The following GPC6 variants were observed in gnomAD, a reference collection of about 807,000 sequenced individuals.
GPC6 encodes glypican 6.
A neutral mutation model predicts 55.2 loss-of-function variants in GPC6; 14 were observed. The ratio of observed to expected loss-of-function variants is 0.25; its 90% CI spans 0.17 to 0.40. The LOEUF (loss-of-function observed/expected upper bound fraction) is 0.40. Ranked by LOEUF, GPC6 falls within the 10% of genes least tolerant of loss-of-function variation. The pLI, the probability that GPC6 is intolerant of heterozygous loss-of-function variation, is 1.00. For synonymous variants in GPC6, 278 were observed against 259.6 expected (o/e 1.07, Z -0.68); for missense variants, 641 against 708.5 (o/e 0.90, Z 1.08).
At chr13:94,368,745 C>A (rs1206224722) in intron 6 of GPC6, among the ~76,000 whole-genome samples, 1 of 152,178 alleles carries the variant, frequency 6.6e-6, no homozygotes, top group Non-Finnish European at 1.5e-5. Flanking sequence ...AAGCTGTGAA[C>A]AGGTACATTC....
intron 2 of GPC6, among the ~76,000 whole-genome samples, chr13:93,575,148 G>T (rs1300665824): frequency 2.6e-5 from 4 of 152,094 alleles, no homozygotes; most frequent in Non-Finnish European, 4.4e-5. Flanking sequence ...ACAAAAATTA[G>T]CAGGGTGTGA....
chr13:94,194,780 ATACTT>A (rs1301612047), intron 4 of GPC6, among the ~76,000 whole-genome samples: 1 of 152,134 alleles, frequency 6.6e-6, no homozygotes, highest in Non-Finnish European at 1.5e-5. Flanking sequence ...GAAAAAAAGA[ATACTT>A]TAACTGAACC....
intron 3 of GPC6, among the ~76,000 whole-genome samples, chr13:93,940,389 G>C (rs953638204): frequency 6.6e-6 from 1 of 150,710 alleles, no homozygotes; most frequent in Admixed American, 6.7e-5. Flanking sequence ...TGGAAGGATG[G>C]ACGGTTGGAT....
intron 1 of GPC6, among the ~76,000 whole-genome samples, chr13:93,294,354 T>G (rs1878413546): frequency 6.6e-6 from 1 of 152,216 alleles, no homozygotes; most frequent in Non-Finnish European, 1.5e-5. Flanking sequence ...GATACATGGA[T>G]TCTTTAATAA....
chr13:94,016,588 A>G (rs1594668470), intron 3 of GPC6, among the ~76,000 whole-genome samples: 1 of 152,170 alleles, frequency 6.6e-6, no homozygotes, highest in Non-Finnish European at 1.5e-5. Context: ...GGCATTTGCA[A>G]TTTTATATGA....
chr13:93,275,351 G>A (rs985644309), intron 1 of GPC6, among the ~76,000 whole-genome samples: 1 of 151,984 alleles, frequency 6.6e-6, no homozygotes, highest in African/African-American at 2.4e-5. Context: ...TAGACCTTAC[G>A]GAATTTTATG....
chr13:93,472,287 A>T (rs1040114748), intron 1 of GPC6, among the ~76,000 whole-genome samples: 5 of 152,202 alleles, frequency 3.3e-5, no homozygotes, highest in Admixed American at 2.6e-4. Flanking sequence ...CCTAGGGCCC[A>T]CAGGGCCCAT....
chr13:94,227,562 C>T (rs1472730980), intron 4 of GPC6, among the ~76,000 whole-genome samples: 1 of 152,154 alleles, frequency 6.6e-6, no homozygotes, highest in Non-Finnish European at 1.5e-5. Context: ...ATAATTATTA[C>T]TGTAACAGCC....
intron 1 of GPC6, among the ~76,000 whole-genome samples, chr13:93,466,703 G>T (rs1878915881): frequency 6.6e-6 from 1 of 152,196 alleles, no homozygotes. Flanking sequence ...ACGCATTCTA[G>T]TATATAATTT....
At chr13:94,054,705 G>A (rs1193042642) in intron 4 of GPC6, among the ~76,000 whole-genome samples, 1 of 152,130 alleles carries the variant, frequency 6.6e-6, no homozygotes, top group Non-Finnish European at 1.5e-5. Context: ...GGCTCACAAA[G>A]CCAATTATGC....
chr13:93,265,781 T>A (rs1371219344), intron 1 of GPC6, among the ~76,000 whole-genome samples: 1 of 151,530 alleles, frequency 6.6e-6, no homozygotes, highest in African/African-American at 2.4e-5. Context: ...GGCATTTTTC[T>A]TTTATTTCTT....
chr13:93,599,972 G>T (rs1382174684), intron 2 of GPC6, among the ~76,000 whole-genome samples: 1 of 152,068 alleles, frequency 6.6e-6, no homozygotes, highest in Non-Finnish European at 1.5e-5. Context: ...CCAAAAAAAA[G>T]CATCTTTTAG....
At chr13:94,144,632 T>C (rs1458217135) in intron 4 of GPC6, among the ~76,000 whole-genome samples, 1 of 151,950 alleles carries the variant, frequency 6.6e-6, no homozygotes, top group Admixed American at 6.6e-5. Flanking sequence ...CTAAAGGATA[T>C]ACTTTTATTT....
intron 3 of GPC6, among the ~76,000 whole-genome samples, chr13:93,919,091 G>A (rs909492668): frequency 6.6e-6 from 1 of 152,064 alleles, no homozygotes; most frequent in East Asian, 1.9e-4. Flanking sequence ...GTGAGATCTG[G>A]TTGTCTAAAA....
At chr13:94,291,697 C>CTT (rs58413609) in intron 5 of GPC6, among the ~76,000 whole-genome samples, 9 of 135,880 alleles carry the variant, frequency 6.6e-5, no homozygotes, top group South Asian at 2.4e-4. Context: ...TTGAATTTAT[C>CTT]TTTTTTTTTT....
chr13:93,569,868 T>A (rs997625914), intron 2 of GPC6, among the ~76,000 whole-genome samples: 11 of 152,078 alleles, frequency 7.2e-5, no homozygotes, highest in Non-Finnish European at 1.5e-4. Context: ...AATTAAGATA[T>A]CTTGTGTAAG....
intron 1 of GPC6, among the ~76,000 whole-genome samples, chr13:93,388,402 A>G (rs956138795): frequency 6.6e-6 from 1 of 152,162 alleles, no homozygotes; most frequent in East Asian, 1.9e-4. Context: ...TGGGGGCTCA[A>G]ATTGTTTCTT....
In GPC6 at chr13:94,161,639, G is replaced by A. The variant is rs529698509; in HGVS notation, c.878-124710G>A. Among the ~76,000 whole-genome samples the A allele has an allele frequency of 6.6e-5, 10 of 152,254 alleles. No homozygotes were observed. In the South Asian group the frequency reaches 8.3e-4, roughly 13 times the overall value. ...TCTTATGCAGCAGACAAGAAGACAT[G>A]TAAAGAGTATGGCCATTCATCAGAA... On this transcript the variant is annotated intron_variant, in intron 4 of 8. Coordinates refer to ENST00000377047, the MANE Select transcript of GPC6 (RefSeq NM_005708.5).
chr13:93,557,880 T>A (rs1369744651), intron 2 of GPC6, among the ~76,000 whole-genome samples: 2 of 152,214 alleles, frequency 1.3e-5, no homozygotes, highest in African/African-American at 4.8e-5. Context: ...ATTATTTTTC[T>A]GCTTTCTAAT....
Sources: gnomAD v4.1 joint callset for allele counts (sites outside exome capture counted in the v4.1 genomes callset) on GRCh38, gnomAD v4.1.1 for gene constraint, MANE v1.5 for transcripts, NCBI Gene and HGNC (gene_info 2026-07-23, HGNC 2026-07-21) for gene names.